Variants in VPS4B observed in about 807,000 individuals in gnomAD.
VPS4B encodes vacuolar protein sorting 4 homolog B, also known as vacuolar protein sorting-associated protein 4B.
Under a neutral mutation model 56.1 loss-of-function variants are expected in VPS4B, and 23 were observed. The observed-to-expected ratio is 0.41, with a 90% confidence interval of 0.30 to 0.58. The LOEUF (loss-of-function observed/expected upper bound fraction) is 0.58. VPS4B is among the 20% of genes least tolerant of loss of function. The pLI, the probability that VPS4B is intolerant of heterozygous loss-of-function variation, is 0.29. For synonymous variants in VPS4B, 177 were observed against 186.0 expected (o/e 0.95, Z 0.39); for missense variants, 372 against 531.9 (o/e 0.70, Z 2.96).
Position 63,397,352 on chromosome 18 carries a change from G to A in VPS4B, c.873-99C>T, listed in dbSNP as rs1915694430. 4.7e-6 allele frequency: 5 copies of A among 1,067,106 alleles called. No individual in the cohort carries two copies. In the South Asian group the frequency reaches 6.7e-5, roughly 14 times the overall value. 66.1% of individuals were successfully genotyped at this position (1,067,106 alleles called of 1,614,324 possible). On this transcript the variant is annotated intron_variant, in intron 8 of 10. Coordinates refer to ENST00000238497, the MANE Select transcript of VPS4B (RefSeq NM_004869.4). Reference sequence around the variant, plus strand: ...GTTAAGTGGGCCTGTATGTGCCAAGGTTAAACATATATATTTAGGTTAAAG... The same window carrying A: ...GTTAAGTGGGCCTGTATGTGCCAAGATTAAACATATATATTTAGGTTAAAG...
intron 5 of VPS4B, 72 bp downstream of exon 5, chr18:63,403,635 A>C: frequency 7.0e-7 from 1 of 1,430,280 alleles, no homozygotes; most frequent in Non-Finnish European, 9.4e-7. Context: ...GACAAGAATG[A>C]CAATGCTTCA....
intron 8 of VPS4B, among the ~76,000 whole-genome samples, chr18:63,398,224 T>TATATATATATATATATATA (rs200704125): frequency 1.9e-4 from 9 of 46,746 alleles, no homozygotes; most frequent in African/African-American, 4.4e-4. Context: ...TATATATATA[T>TATATATATATATATATATA]TTTTTTTTGA....
At chr18:63,403,918 A>C (rs1915864042) in intron 4 of VPS4B, 92 bp from the exon 5 acceptor site, 1 of 1,427,106 alleles carries the variant, frequency 7.0e-7, no homozygotes, top group African/African-American at 1.4e-5. Flanking sequence ...GAAACGCATT[A>C]TAAAATTGGG....
intron 1 of VPS4B, among the ~76,000 whole-genome samples, chr18:63,421,730 T>C (rs956335520): frequency 6.6e-6 from 1 of 152,132 alleles, no homozygotes; most frequent in Admixed American, 6.5e-5. Flanking sequence ...CACAGGAGTG[T>C]GCACATAAAT....
At chr18:63,411,655 G>GTTTT (rs11383277) in intron 1 of VPS4B, 77 bp from the exon 2 acceptor site, 219 of 751,820 alleles carry the variant, frequency 2.9e-4, no homozygotes, top group African/African-American at 2.0e-3. Flanking sequence ...CATACTGAAA[G>GTTTT]TTTTTTTTTT....
At chr18:63,420,239 G>A (rs1916265101) in intron 1 of VPS4B, among the ~76,000 whole-genome samples, 1 of 152,128 alleles carries the variant, frequency 6.6e-6, no homozygotes, top group African/African-American at 2.4e-5. Flanking sequence ...TTGAGGTCAG[G>A]AGTTCAAGAC....
chr18:63,401,112 T>A (rs977849802), intron 5 of VPS4B, among the ~76,000 whole-genome samples: 3 of 152,186 alleles, frequency 2.0e-5, no homozygotes, highest in African/African-American at 7.2e-5. Context: ...CCATAAAAAA[T>A]GGGCAGCTGG....
chr18:63,407,369 T>C (rs1915941263), intron 4 of VPS4B, 63 bp downstream of exon 4: 5 of 1,360,154 alleles, frequency 3.7e-6, no homozygotes, highest in Admixed American at 2.1e-5. Context: ...ACAATTCAAA[T>C]AGACAATTCA....
At chr18:63,411,214 TCCTAA>T (rs1436458861) in intron 2 of VPS4B, among the ~76,000 whole-genome samples, 3 of 152,198 alleles carry the variant, frequency 2.0e-5, no homozygotes, top group Admixed American at 6.5e-5. Flanking sequence ...ATAGAATGTC[TCCTAA>T]CCTATTTTCC....
At chr18:63,404,954 GTCT>G (rs1172250589) in intron 4 of VPS4B, among the ~76,000 whole-genome samples, 1 of 151,816 alleles carries the variant, frequency 6.6e-6, no homozygotes, top group Non-Finnish European at 1.5e-5. Context: ...AATTCATTTC[GTCT>G]TTTTTATGTT....
intron 9 of VPS4B, among the ~76,000 whole-genome samples, chr18:63,394,543 T>C (rs1410857934): frequency 7.2e-5 from 11 of 152,008 alleles, no homozygotes; most frequent in Admixed American, 3.9e-4. Context: ...GTCAGCTCAC[T>C]GCAACTTCCA....
intron 1 of VPS4B, 62 bp downstream of exon 1, chr18:63,422,171 C>A: frequency 1.4e-6 from 2 of 1,429,306 alleles, no homozygotes; most frequent in South Asian, 1.5e-5. Context: ...CGCCCCCCAC[C>A]CGCTTCTCGC....
chr18:63,398,223 ATT>A lies in VPS4B; in HGVS notation c.873-972_873-971del, dbSNP rs869086603. ...CACACACATATATATATATATATAT[ATT>A]TTTTTTTGAGATGGAGTCTCACTCT... On this transcript the variant is annotated intron_variant, in intron 8 of 10. Coordinates refer to ENST00000238497, the MANE Select transcript of VPS4B (RefSeq NM_004869.4). Among the ~76,000 whole-genome samples the A allele has an allele frequency of 0.011, 492 of 45,584 alleles. 11 individuals are homozygous for A. In the East Asian group the frequency reaches 0.18, roughly 16 times the overall value. The allele number at this position is 45,584 out of a possible 152,430, so 29.9% of individuals were successfully genotyped here.
chr18:63,406,677 C>T (rs59288692), intron 4 of VPS4B, among the ~76,000 whole-genome samples: 8,398 of 152,266 alleles, frequency 0.055, 740 homozygotes, highest in African/African-American at 0.18. Flanking sequence ...TTTATTGAGT[C>T]CCTAGACTTC....
At chr18:63,413,538 CA>C (rs11363766) in intron 1 of VPS4B, among the ~76,000 whole-genome samples, 14,228 of 81,678 alleles carry the variant, frequency 0.17, 1,177 homozygotes, top group African/African-American at 0.36. Flanking sequence ...GACTCCACCT[CA>C]AAAAAAAAAA....
chr18:63,421,033 G>A (rs1599369822), intron 1 of VPS4B, among the ~76,000 whole-genome samples: 4 of 128,330 alleles, frequency 3.1e-5, no homozygotes, highest in East Asian at 2.2e-4. Flanking sequence ...GCAAGACTCC[G>A]TCTCAAAAAA....
chr18:63,412,370 T>A (rs932466588), intron 1 of VPS4B, among the ~76,000 whole-genome samples: 2 of 152,218 alleles, frequency 1.3e-5, no homozygotes, highest in African/African-American at 4.8e-5. Context: ...ACAGAGTTTA[T>A]CTTTGATAAA....
Position 63,389,840 on chromosome 18 carries a change from C to T in VPS4B, c.*1135G>A, listed in dbSNP as rs1315295692. ...CCCATAATTCAAAGGGAGACCATTTCCTTATTAGCAAAGGTGCGCATTACA... is the reference window on the plus strand; with the variant it reads ...CCCATAATTCAAAGGGAGACCATTTTCTTATTAGCAAAGGTGCGCATTACA... On this transcript the variant is annotated 3_prime_UTR_variant, in exon 11 of 11. Transcript: ENST00000238497. 1 of 152,572 alleles carries T rather than the reference C, an allele frequency of 6.6e-6. No homozygotes were observed. The highest frequency in any genetic ancestry group is 1.5e-5 in the Non-Finnish European group (1 of 68,034). 9.5% of individuals were successfully genotyped at this position (152,572 alleles called of 1,614,324 possible).
intron 8 of VPS4B, among the ~76,000 whole-genome samples, chr18:63,397,574 G>A (rs1915699133): frequency 6.6e-6 from 1 of 152,120 alleles, no homozygotes; most frequent in Non-Finnish European, 1.5e-5. Flanking sequence ...TCTTGATCAA[G>A]GGACTAATGA....
Sources: gnomAD v4.1 joint callset for allele counts (sites outside exome capture counted in the v4.1 genomes callset) on GRCh38, gnomAD v4.1.1 for gene constraint, MANE v1.5 for transcripts, NCBI Gene and HGNC (gene_info 2026-07-23, HGNC 2026-07-21) for gene names.